Variants in U2SURP observed in about 807,000 individuals in gnomAD.
U2SURP encodes U2 snRNP-associated SURP motif-containing protein.
U2SURP carries 9 observed loss-of-function variants against 144.9 expected under a neutral mutation model. The observed-to-expected ratio is 0.06, with a 90% CI of 0.04 to 0.11. U2SURP has a LOEUF of 0.11. U2SURP is among the 10% of genes least tolerant of loss of function. U2SURP has a pLI of 1.00. For missense variants in U2SURP, 724 were observed against 1,226.7 expected, an observed-to-expected ratio of 0.59 and a Z score of 6.12; for synonymous variants, 408 against 396.8, an observed-to-expected ratio of 1.03 and a Z score of -0.33.
chr3:143,048,063 G>A (rs1205775704), intron 24 of U2SURP, among the ~76,000 whole-genome samples: 4 of 152,234 alleles, frequency 2.6e-5, no homozygotes, highest in African/African-American at 9.6e-5. Context: ...CTTCTGTCTT[G>A]TTGGAAGAGA....
At chr3:143,043,820 G>T (rs1459225096) in intron 24 of U2SURP, among the ~76,000 whole-genome samples, 1 of 150,940 alleles carries the variant, frequency 6.6e-6, no homozygotes, top group Non-Finnish European at 1.5e-5. Flanking sequence ...CCAGGCTGGA[G>T]TGCAGTGGCG....
At chr3:143,002,713 ACAT>A (rs1935602101) in intron 1 of U2SURP, among the ~76,000 whole-genome samples, 1 of 152,214 alleles carries the variant, frequency 6.6e-6, no homozygotes, top group African/African-American at 2.4e-5. Flanking sequence ...GTTCTGAGAA[ACAT>A]CATAACTCGT....
intron 2 of U2SURP, 115 bp from the exon 3 acceptor site, chr3:143,012,107 T>C: frequency 1.5e-6 from 2 of 1,318,664 alleles, no homozygotes; most frequent in Non-Finnish European, 2.1e-6. Flanking sequence ...ATGTGATATT[T>C]TGATAATCTA....
At position 143,010,926 on chromosome 3, in the gene U2SURP, A is replaced by G. The variant is rs1936090631; in HGVS notation, c.90+67A>G. On this transcript the variant is annotated intron_variant, in intron 2 of 27. Coordinates refer to ENST00000473835, the MANE Select transcript of U2SURP (RefSeq NM_001080415.2). Reference sequence around the variant, plus strand: ...TTAACTTCTCCTCATATGTATCCCTACATCAATGATTTTACTTGACAAATA... The same window carrying G: ...TTAACTTCTCCTCATATGTATCCCTGCATCAATGATTTTACTTGACAAATA... 4 of 1,165,816 alleles carry G rather than the reference A, an allele frequency of 3.4e-6. No individual in the cohort carries two copies. In the East Asian group the frequency reaches 9.9e-5, roughly 29 times the overall value. The allele number at this position is 1,165,816 out of a possible 1,614,324, so 72.2% of individuals were successfully genotyped here.
chr3:143,016,905 A>C lies in U2SURP; in HGVS notation c.500A>C (p.Gln167Pro). ...AAGCCATCTTCAAGATTTGCAGATCAAAAAAATCCTCCAAATCAGTCTTCC... is the reference window on the plus strand; with the variant it reads ...AAGCCATCTTCAAGATTTGCAGATCCAAAAAATCCTCCAAATCAGTCTTCC... ...IYKPSSRFADQKNPPNQSSNE... is the reference protein window; with the variant it reads ...IYKPSSRFADPKNPPNQSSNE... Residue 167 changes from glutamine to proline, a missense_variant, in exon 6 of 28, where the codon CAA becomes CCA. By Grantham distance (76) the Gln-to-Pro change is moderately conservative (BLOSUM62 -1). Around this residue, in one of 13 missense-constraint regions of U2SURP, gnomAD observed 115 missense variants for 258.1 expected, o/e 0.45. Coordinates refer to ENST00000473835, the MANE Select transcript of U2SURP (RefSeq NM_001080415.2). 1 of 1,592,742 alleles carries C rather than the reference A, an allele frequency of 6.3e-7. No individual in the cohort carries two copies. Among genetic ancestry groups the C allele is most frequent in the South Asian group, 1.1e-5 (1 of 87,326 alleles).
intron 22 of U2SURP, 139 bp downstream of exon 22, chr3:143,038,342 A>G (rs1330296867): frequency 6.3e-6 from 4 of 635,694 alleles, no homozygotes; most frequent in Admixed American, 3.8e-5. Context: ...TTTGTGTCTA[A>G]TGTATGCTTT....
intron 1 of U2SURP, among the ~76,000 whole-genome samples, chr3:143,008,387 G>A (rs527326544): frequency 3.2e-4 from 48 of 152,330 alleles, no homozygotes; most frequent in African/African-American, 1.2e-3. Context: ...AAAGGGTAGC[G>A]CTTTCTTAGT....
intron 24 of U2SURP, among the ~76,000 whole-genome samples, chr3:143,047,237 T>C (rs1464618509): frequency 4.5e-5 from 3 of 67,344 alleles, no homozygotes; most frequent in Admixed American, 2.7e-4. Flanking sequence ...TCCCCCCACC[T>C]CCCTCCCGGA....
At chr3:143,025,669 T>C (rs920775580) in intron 13 of U2SURP, 1 of 152,170 alleles carries the variant, frequency 6.6e-6, no homozygotes, top group Non-Finnish European at 1.5e-5. Context: ...AATTTTTAAA[T>C]AGAAAATTAA....
chr3:143,043,384 C>A, intron 24 of U2SURP, 108 bp downstream of exon 24: 1 of 1,156,464 alleles, frequency 8.6e-7, no homozygotes, highest in Non-Finnish European at 1.2e-6. Flanking sequence ...TTCCTTCTCT[C>A]TGCTTAGAAC....
intron 24 of U2SURP, 38 bp from the exon 25 acceptor site, chr3:143,050,901 G>A (rs1424289612): frequency 1.5e-6 from 2 of 1,378,298 alleles, no homozygotes; most frequent in African/African-American, 2.9e-5. Flanking sequence ...AATCTAGAAT[G>A]ATGAAAATGC....
chr3:143,017,534 G>T (rs777708917), intron 6 of U2SURP, among the ~76,000 whole-genome samples: 16 of 150,120 alleles, frequency 1.1e-4, no homozygotes, highest in Admixed American at 1.3e-4. Flanking sequence ...AGTAAGCCTG[G>T]TTTTTTTTGT....
chr3:143,022,556 A>G lies in U2SURP; in HGVS notation c.912A>G (p.Lys304=), dbSNP rs778909325. The G allele has an allele frequency of 1.2e-6, 2 of 1,612,154 alleles. No homozygotes were observed. Among genetic ancestry groups the G allele is most frequent in the Admixed American group, 1.7e-5 (1 of 59,932 alleles). The change falls in exon 11 of 28, where the codon AAA becomes AAG. Residue 304 remains lysine (K), a synonymous_variant. Transcript: ENST00000473835. ...GATTTGGACCGTTAGCCAGTGTGAA[A>G]ATCATGTGGCCTAGAACTGATGAAG... ...FGRFGPLASV[K]IMWPRTDEER...
chr3:143,056,490 T>A lies in U2SURP; in HGVS notation c.*40T>A, dbSNP rs1414333816. 6.2e-7 allele frequency: 1 copy of A among 1,605,434 alleles called. No individual in the cohort carries two copies. Among genetic ancestry groups the A allele is most frequent in the Non-Finnish European group, 8.5e-7 (1 of 1,176,384 alleles). On this transcript the variant is annotated 3_prime_UTR_variant, in exon 28 of 28. Transcript: ENST00000473835. ...ATGCTGTCACTTATTGGAAATGCGA[T>A]TTGTTTTGTGCCTGAACGGTCTGTT...
rs371018045 is a variant in U2SURP, at chr3:143,016,826, G to C, written c.437-16G>C. On this transcript the variant is annotated splice_polypyrimidine_tract_variant and intron_variant, in intron 5 of 27. Coordinates refer to ENST00000473835, the MANE Select transcript of U2SURP (RefSeq NM_001080415.2). The stretch of plus-strand genomic sequence containing the variant: ...ATTGCGAAATTAGTTTTGAAACTTA[G>C]TATTTTAAATTTCAGAAGAACATGA... The C allele has an allele frequency of 1.3e-6, 2 of 1,507,912 alleles. No individual in the cohort carries two copies. The highest frequency in any genetic ancestry group is 2.5e-5 in the East Asian group (1 of 40,498). 93.4% of individuals were successfully genotyped at this position (1,507,912 alleles called of 1,614,324 possible).
In U2SURP at chr3:143,015,279, T is replaced by C. The variant is rs1027657026; in HGVS notation, c.321+870T>C. 9.2e-5 allele frequency among the ~76,000 whole-genome samples: 14 copies of C among 152,276 alleles called. No individual in the cohort carries two copies. The South Asian group carries it at 1.2e-3, about 14-fold the overall frequency. On this transcript the variant is annotated intron_variant, in intron 4 of 27. Transcript: ENST00000473835. Reference sequence around the variant, plus strand: ...TGTCTGCTCATATCTGAACCATTTTTTTCTATAAGTTATATTAACACTTTG... The same window carrying C: ...TGTCTGCTCATATCTGAACCATTTTCTTCTATAAGTTATATTAACACTTTG...
chr3:143,003,659 T>TTTTTATTTA (rs1935653867), intron 1 of U2SURP, among the ~76,000 whole-genome samples: 1 of 147,416 alleles, frequency 6.8e-6, no homozygotes, highest in African/African-American at 2.5e-5. Context: ...AGATAGCTGC[T>TTTTTATTTA]TTTTATTTAT....
intron 1 of U2SURP, among the ~76,000 whole-genome samples, chr3:143,004,549 A>C (rs1194535166): frequency 3.4e-5 from 3 of 89,530 alleles, no homozygotes; most frequent in Admixed American, 2.6e-4. Context: ...ATGGGGTTTC[A>C]TCTGTTGGCC....
rs761630383 is a variant in U2SURP at position 143,028,584 on chromosome 3, A to G, written c.1548A>G (p.Ser516=). 5 of 1,603,724 alleles carry G rather than the reference A, an allele frequency of 3.1e-6. No homozygotes were observed. The highest frequency in any genetic ancestry group is 4.2e-6 in the Non-Finnish European group (5 of 1,177,372). The change falls in exon 16 of 28, where the codon TCA becomes TCG. Residue 516 remains serine (S), a synonymous_variant. Transcript: ENST00000473835. The part of the protein sequence containing the change: ...PPLNPYLHGM[S]EEQETEAFVE... ...TAAATCCGTACTTGCATGGAATGTCAGAAGAGCAAGAAACAGAAGCTTTTG... is the reference window on the plus strand; with the variant it reads ...TAAATCCGTACTTGCATGGAATGTCGGAAGAGCAAGAAACAGAAGCTTTTG...
Sources: gnomAD v4.1 joint callset for allele counts (sites outside exome capture counted in the v4.1 genomes callset) on GRCh38, gnomAD v4.1.1 for gene constraint, gnomAD v4.1.1 regional missense constraint, MANE v1.5 for transcripts, NCBI Gene and HGNC (gene_info 2026-07-23, HGNC 2026-07-21) for gene names.